ZFPM1: variants seen among roughly 807,000 people sequenced by gnomAD.
ZFPM1 encodes zinc finger protein ZFPM1.
Under a neutral mutation model 46.3 loss-of-function variants are expected in ZFPM1, and 28 were observed. The ratio of observed to expected loss-of-function variants is 0.60; its 90% CI spans 0.45 to 0.83. The LOEUF is 0.83. Among genes scored for constraint, ZFPM1 ranks in the 40% least tolerant of loss-of-function variants. ZFPM1 has a pLI of 0.00. For synonymous variants in ZFPM1, 957 were observed against 675.9 expected, an observed-to-expected ratio of 1.42 and a Z score of -6.45; for missense variants, 1,878 against 1,432.4, an observed-to-expected ratio of 1.31 and a Z score of -5.02.
At chr16:88,532,467 C>CGGA (rs147824507) in intron 7 of ZFPM1, 147 bp from the exon 8 acceptor site, 71,913 of 870,338 alleles carry the variant, frequency 0.083, 4,350 homozygotes, top group East Asian at 0.35. Flanking sequence ...AGACAAAAGG[C>CGGA]GGAGGAGGAG....
intron 2 of ZFPM1, among the ~76,000 whole-genome samples, chr16:88,486,342 C>A (rs372482734): frequency 6.6e-5 from 10 of 152,240 alleles, no homozygotes; most frequent in Non-Finnish European, 4.4e-5. Flanking sequence ...GGATGGGAAT[C>A]CATGCCCCTC....
intron 1 of ZFPM1, among the ~76,000 whole-genome samples, chr16:88,468,229 AGCACCCGCGAGCCCACCGTCCCGAC>A (rs1219399361): frequency 2.3e-3 from 281 of 123,430 alleles, no homozygotes; most frequent in African/African-American, 6.3e-3. Flanking sequence ...CCGCCCCTCA[AGCACCCGCGAGCCCACCGTCCCGAC>A]GCACCCGCGA....
At position 88,459,389 on chromosome 16, in the gene ZFPM1, C is replaced by G. The variant is rs535270779; in HGVS notation, c.40+5711C>G. ...CTGGCCGTGGAACTATGGGCAAGGC[C>G]TACCCATGTGAGCCTCCGTTTTCCC... On this transcript the variant is annotated intron_variant, in intron 1 of 9. Transcript: ENST00000319555. Among the ~76,000 whole-genome samples the G allele has an allele frequency of 1.0e-3, 153 of 152,316 alleles. 1 individual carries two copies. The highest frequency in any genetic ancestry group is 3.4e-3 in the African/African-American group (141 of 41,564).
At chr16:88,491,092 G>T (rs1045273156) in intron 3 of ZFPM1, among the ~76,000 whole-genome samples, 1 of 151,458 alleles carries the variant, frequency 6.6e-6, no homozygotes, top group African/African-American at 2.4e-5. Context: ...CCAGTCAGGC[G>T]CTGGTGCCTT....
intron 2 of ZFPM1, among the ~76,000 whole-genome samples, chr16:88,488,156 G>A (rs189292510): frequency 1.8e-4 from 27 of 152,306 alleles, no homozygotes; most frequent in African/African-American, 4.1e-4. Context: ...AGTGCCGCAC[G>A]CAGGTGCCGC....
At chr16:88,518,458 G>T (rs951051842) in intron 4 of ZFPM1, among the ~76,000 whole-genome samples, 1 of 152,012 alleles carries the variant, frequency 6.6e-6, no homozygotes, top group Admixed American at 6.6e-5. Flanking sequence ...ATGGATGGTG[G>T]GTGGATGGGT....
At chr16:88,523,766 T>C (rs1178406173) in intron 4 of ZFPM1, among the ~76,000 whole-genome samples, 1 of 152,060 alleles carries the variant, frequency 6.6e-6, no homozygotes, top group Non-Finnish European at 1.5e-5. Flanking sequence ...CTGCTTATCT[T>C]GCACCCCTAG....
chr16:88,484,958 C>G (rs1279805454), intron 1 of ZFPM1, among the ~76,000 whole-genome samples: 1 of 152,198 alleles, frequency 6.6e-6, no homozygotes, highest in Non-Finnish European at 1.5e-5. Flanking sequence ...GGGACCCAGG[C>G]CCTGAGGCAC....
chr16:88,473,525 G>T (rs965871551), intron 1 of ZFPM1, among the ~76,000 whole-genome samples: 2 of 152,124 alleles, frequency 1.3e-5, no homozygotes, highest in Admixed American at 6.5e-5. Flanking sequence ...CGGGGTCTGG[G>T]TGCTGCGCCC....
rs115595082 is a variant in ZFPM1, at chr16:88,476,071, C to A, written c.41-9868C>A. 7.6e-3 allele frequency among the ~76,000 whole-genome samples: 1,161 copies of A among 152,232 alleles called. 15 individuals are homozygous for A. The highest frequency in any genetic ancestry group is 0.027 in the African/African-American group (1,118 of 41,544). On this transcript the variant is annotated intron_variant, in intron 1 of 9. Transcript: ENST00000319555. ...CTCATCCCTCTCCTCGTGGTGCCCC[C>A]ACACCCACCCAGGCCTCAGACCCCA...
At chr16:88,520,278 GGATA>G (rs1452351838) in intron 4 of ZFPM1, among the ~76,000 whole-genome samples, 41 of 151,764 alleles carry the variant, frequency 2.7e-4, no homozygotes, top group South Asian at 2.5e-3. Flanking sequence ...ATGGATGGAT[GGATA>G]GATAGGTAGG....
chr16:88,528,734 G>GTTGTT lies in ZFPM1; in HGVS notation c.712+496_712+497insTTGTT, dbSNP rs1912544895. On this transcript the variant is annotated intron_variant, in intron 6 of 9. Coordinates refer to ENST00000319555, the MANE Select transcript of ZFPM1 (RefSeq NM_153813.3). The stretch of plus-strand genomic sequence containing the variant: ...GTGACAACCAAGACATCTGTTGGTT[G>GTTGTT]GGTTTTTGTTGTTTTTTTTTCGAGA... 5.3e-5 allele frequency among the ~76,000 whole-genome samples: 4 copies of GTTGTT among 75,946 alleles called. No individual in the cohort carries two copies. In the South Asian group the frequency reaches 1.9e-3, roughly 36 times the overall value. 49.8% of individuals were successfully genotyped at this position (75,946 alleles called of 152,430 possible). A position where few individuals can be genotyped will look rare whatever the true frequency, so the allele number is the denominator to read the frequency against.
At chr16:88,460,957 G>A (rs1486790259) in intron 1 of ZFPM1, among the ~76,000 whole-genome samples, 2 of 45,200 alleles carry the variant, frequency 4.4e-5, no homozygotes, top group East Asian at 1.0e-3. Context: ...GAGGGGCGGG[G>A]CGGGAGGCCT....
intron 3 of ZFPM1, among the ~76,000 whole-genome samples, chr16:88,510,872 A>C (rs1910918865): frequency 1.3e-5 from 2 of 152,190 alleles, no homozygotes; most frequent in South Asian, 4.1e-4. Context: ...TAACTTGAGC[A>C]CAGCTGGAAA....
At chr16:88,509,882 C>T (rs1238876346) in intron 3 of ZFPM1, among the ~76,000 whole-genome samples, 1 of 152,140 alleles carries the variant, frequency 6.6e-6, no homozygotes, top group Non-Finnish European at 1.5e-5. Context: ...ACGCGCGTCA[C>T]GGAGGGGGCC....
At chr16:88,460,953 C>CGGGGCAGGAGGCCCTGGTGAGGACCAA (rs1907808013) in intron 1 of ZFPM1, among the ~76,000 whole-genome samples, 1 of 11,668 alleles carries the variant, frequency 8.6e-5, no homozygotes, top group African/African-American at 2.4e-4. Context: ...GACCGAGGGG[C>CGGGGCAGGAGGCCCTGGTGAGGACCAA]GGGGCGGGAG....
intron 1 of ZFPM1, among the ~76,000 whole-genome samples, chr16:88,464,481 G>T (rs967507310): frequency 2.0e-5 from 3 of 152,270 alleles, no homozygotes; most frequent in Admixed American, 6.5e-5. Flanking sequence ...GCTCAGGAAG[G>T]CTTGGGACTA....
chr16:88,488,260 C>G (rs1909349525), intron 2 of ZFPM1, among the ~76,000 whole-genome samples: 1 of 152,032 alleles, frequency 6.6e-6, no homozygotes, highest in Non-Finnish European at 1.5e-5. Flanking sequence ...GAGCCAGGCT[C>G]CTTATCTGAT....
At chr16:88,499,025 G>C (rs935636860) in intron 3 of ZFPM1, among the ~76,000 whole-genome samples, 10 of 152,230 alleles carry the variant, frequency 6.6e-5, no homozygotes, top group African/African-American at 2.4e-4. Flanking sequence ...CCCTGGACAG[G>C]GTTGAGCTTG....
Sources: gnomAD v4.1 joint callset for allele counts (sites outside exome capture counted in the v4.1 genomes callset) on GRCh38, gnomAD v4.1.1 for gene constraint, MANE v1.5 for transcripts, NCBI Gene and HGNC (gene_info 2026-07-23, HGNC 2026-07-21) for gene names.